Variants in KDM3B observed in about 807,000 individuals in gnomAD.
KDM3B encodes lysine demethylase 3B.
A neutral mutation model predicts 170.0 loss-of-function variants in KDM3B; 10 were observed. That is an observed-to-expected ratio of 0.06 (90% CI 0.04 to 0.10). KDM3B has a LOEUF of 0.10. Ranked by LOEUF, KDM3B falls within the 10% of genes least tolerant of loss-of-function variation. The probability of loss-of-function intolerance (pLI) is 1.00; values close to 1 mark genes in which losing one functional copy is unlikely to be tolerated. For synonymous variants in KDM3B, 831 were observed against 834.8 expected, an observed-to-expected ratio of 1.00 and a Z score of 0.08; for missense variants, 1,394 against 2,195.2, an observed-to-expected ratio of 0.64 and a Z score of 7.29.
chr5:138,382,502 T>G (rs1286469350), intron 6 of KDM3B, among the ~76,000 whole-genome samples: 1 of 151,974 alleles, frequency 6.6e-6, no homozygotes, highest in Non-Finnish European at 1.5e-5. Flanking sequence ...ATCGAGTAAT[T>G]CTGTGTGAAT....
chr5:138,374,891 C>CT (rs1265932683), intron 2 of KDM3B, among the ~76,000 whole-genome samples: 1 of 152,158 alleles, frequency 6.6e-6, no homozygotes, highest in African/African-American at 2.4e-5. Flanking sequence ...ATTGAGCTGA[C>CT]TTTCTGCATT....
At chr5:138,408,088 C>T (rs543428151) in intron 11 of KDM3B, among the ~76,000 whole-genome samples, 1 of 152,180 alleles carries the variant, frequency 6.6e-6, no homozygotes, top group Non-Finnish European at 1.5e-5. Context: ...GCTTTGTCAA[C>T]CATATGTACA....
At chr5:138,409,903 C>A (rs914291721) in intron 11 of KDM3B, among the ~76,000 whole-genome samples, 9 of 152,140 alleles carry the variant, frequency 5.9e-5, no homozygotes, top group Admixed American at 2.0e-4. Context: ...GCCTGACCAA[C>A]ATGGAGAAAC....
At chr5:138,418,844 C>T (rs1763176442) in intron 13 of KDM3B, 109 bp from the exon 14 acceptor site, 3 of 1,037,450 alleles carry the variant, frequency 2.9e-6, no homozygotes, top group Non-Finnish European at 4.3e-6. Flanking sequence ...TGCCAGTTTA[C>T]ATGACAGATT....
At chr5:138,364,920 A>G (rs1374224011) in intron 1 of KDM3B, among the ~76,000 whole-genome samples, 1 of 152,204 alleles carries the variant, frequency 6.6e-6, no homozygotes, top group Non-Finnish European at 1.5e-5. Context: ...CATTTAATTT[A>G]TTCAGGATGT....
At chr5:138,409,277 CATG>C (rs1404106245) in intron 11 of KDM3B, among the ~76,000 whole-genome samples, 1 of 151,780 alleles carries the variant, frequency 6.6e-6, no homozygotes, top group Non-Finnish European at 1.5e-5. Flanking sequence ...TCTCAGACAA[CATG>C]ATCATCTATG....
chr5:138,362,046 G>A (rs1225785613), intron 1 of KDM3B, among the ~76,000 whole-genome samples: 2 of 152,218 alleles, frequency 1.3e-5, no homozygotes, highest in South Asian at 4.2e-4. Context: ...TAGGCCGGGC[G>A]CTGTGGCTCA....
Position 138,424,139 on chromosome 5 carries a change from A to G in KDM3B, c.4037A>G (p.Asn1346Ser). 1 of 1,612,024 alleles carries G rather than the reference A, an allele frequency of 6.2e-7. No homozygotes were observed. Among genetic ancestry groups the G allele is most frequent in the Non-Finnish European group, 8.5e-7 (1 of 1,178,544 alleles). ...LDHIIASVVE[N>S]KKTSDASKRA... ...CACATCATTGCCTCAGTGGTAGAAA[A>G]TAAGAAAACCTCAGATGCTTCAAAG... The change falls in exon 16 of 24, where the codon AAT (asparagine) becomes AGT (serine). Residue 1346 changes from asparagine to serine, a missense_variant. This residue lies in a region of KDM3B where 137 missense variants were observed against 166.9 expected (regional missense o/e 0.82). Transcript: ENST00000314358.
At chr5:138,398,547 A>G (rs1762601691) in intron 10 of KDM3B, among the ~76,000 whole-genome samples, 155 bp downstream of exon 10, 1 of 152,156 alleles carries the variant, frequency 6.6e-6, no homozygotes. Context: ...TGTCGTTGAG[A>G]CCTTAACTAT....
At position 138,419,011 on chromosome 5, in the gene KDM3B, G is replaced by A. The variant is rs1281972696; in HGVS notation, c.3494G>A (p.Gly1165Glu). ...AACGAAACTACCTTCTCTGGTGGAG[G>A]AGGACCGGCACCAGTAACAACTCCA... is the stretch of plus-strand genomic sequence containing the variant. ...SGNETTFSGGGGPAPVTTPEP... is the reference protein window; with the variant it reads ...SGNETTFSGGEGPAPVTTPEP... The change falls in exon 14 of 24, where the codon GGA (glycine) becomes GAA (glutamate). Residue 1165 changes from glycine to glutamate, a missense_variant. By Grantham distance (98) the Gly-to-Glu change is moderately conservative. Transcript: ENST00000314358. The A allele has an allele frequency of 1.8e-5, 29 of 1,614,008 alleles. No individual in the cohort carries two copies. Among genetic ancestry groups the A allele is most frequent in the Non-Finnish European group, 2.4e-5 (28 of 1,180,024 alleles).
At chr5:138,427,364 C>T (rs750346761) in intron 19 of KDM3B, 45 bp downstream of exon 19, 1 of 1,578,738 alleles carries the variant, frequency 6.3e-7, no homozygotes. Context: ...GACTGTTGTT[C>T]TTATTTCAAC....
At chr5:138,406,914 G>T (rs927623430) in intron 11 of KDM3B, among the ~76,000 whole-genome samples, 1 of 150,882 alleles carries the variant, frequency 6.6e-6, no homozygotes, top group African/African-American at 2.4e-5. Context: ...AAGAATGTGA[G>T]GACCTCAATG....
intron 1 of KDM3B, among the ~76,000 whole-genome samples, chr5:138,368,881 G>A (rs1244287590): frequency 1.3e-5 from 2 of 152,080 alleles, no homozygotes; most frequent in Non-Finnish European, 2.9e-5. Flanking sequence ...ATGTTTTTAG[G>A]TATGCGATAA....
rs1054317331 is a variant in KDM3B at position 138,436,711 on chromosome 5, T to C, written c.*1011T>C. ...TAATGTTTCCAAATGGGAAGGACAG[T>C]TGATTTCCAACATGAGGTTTTTTGT... On this transcript the variant is annotated 3_prime_UTR_variant, in exon 24 of 24. Transcript: ENST00000314358. 6.6e-6 allele frequency: 1 copy of C among 152,204 alleles called. No homozygotes were observed. The highest frequency in any genetic ancestry group is 1.5e-5 in the Non-Finnish European group (1 of 68,040). The allele number at this position is 152,204 out of a possible 1,614,324, so 9.4% of individuals were successfully genotyped here.
chr5:138,427,711 A>G (rs1763432158), intron 19 of KDM3B, among the ~76,000 whole-genome samples: 1 of 152,202 alleles, frequency 6.6e-6, no homozygotes, highest in African/African-American at 2.4e-5. Flanking sequence ...AATACGCCCT[A>G]ATGCCCATAT....
chr5:138,431,645 G>A, intron 23 of KDM3B, 86 bp downstream of exon 23: 1 of 1,213,022 alleles, frequency 8.2e-7, no homozygotes, highest in Non-Finnish European at 1.1e-6. Context: ...CCTTTCTGAG[G>A]GTATTCTCCG....
Position 138,417,572 on chromosome 5 carries a change from T to C in KDM3B, c.3397T>C (p.Ser1133Pro), listed in dbSNP as rs1580942737. The change falls in exon 13 of 24, where the codon TCT becomes CCT. Residue 1133 changes from serine (S) to proline (P), a missense_variant. Ser to Pro is a moderately conservative substitution (Grantham distance 74). This residue lies in a region of KDM3B where 14 missense variants were observed against 32.5 expected (regional missense o/e 0.43). Transcript: ENST00000314358. ...CCCTTGTATCAGTCGACAGAACAAA[T>C]CTGTATTGAGACCTGCCGTCACCAA... ...NCPCISRQNK[S>P]VLRPAVTNGM... is the part of the protein sequence containing the mutation. 1.9e-6 allele frequency: 3 copies of C among 1,614,032 alleles called. No homozygotes were observed. Among genetic ancestry groups the C allele is most frequent in the Non-Finnish European group, 2.5e-6 (3 of 1,179,988 alleles).
At chr5:138,420,203 A>G (rs1035171527) in intron 14 of KDM3B, among the ~76,000 whole-genome samples, 2 of 152,162 alleles carry the variant, frequency 1.3e-5, no homozygotes, top group Non-Finnish European at 2.9e-5. Flanking sequence ...CAAGACTTTT[A>G]ACAAGCTTCT....
intron 15 of KDM3B, among the ~76,000 whole-genome samples, chr5:138,423,499 A>G (rs1178263796): frequency 1.3e-5 from 2 of 152,162 alleles, no homozygotes; most frequent in African/African-American, 4.8e-5. Flanking sequence ...CCATCAGCTG[A>G]AACAGGTGAG....
Sources: allele counts gnomAD v4.1 joint callset (sites outside exome capture counted in the v4.1 genomes callset), GRCh38; gene constraint gnomAD v4.1.1; regional missense constraint gnomAD v4.1.1; transcripts MANE v1.5; gene names NCBI Gene and HGNC (gene_info 2026-07-23, HGNC 2026-07-21).